MACROD2: variants seen among roughly 807,000 people sequenced by gnomAD.
MACROD2 encodes the protein mono-ADP ribosylhydrolase 2.
A neutral mutation model predicts 70.4 loss-of-function variants in MACROD2; 36 were observed. The observed-to-expected ratio is 0.51, with a 90% CI of 0.39 to 0.68. MACROD2 has a LOEUF of 0.68. Ranked by LOEUF, MACROD2 falls within the 30% of genes least tolerant of loss-of-function variation. MACROD2 has a pLI of 0.00. For missense variants in MACROD2, 496 were observed against 538.4 expected (o/e 0.92, Z 0.78); for synonymous variants, 172 against 178.8 (o/e 0.96, Z 0.30).
chr20:14,951,678 C>T (rs1352634463), intron 5 of MACROD2, among the ~76,000 whole-genome samples: 7 of 152,066 alleles, frequency 4.6e-5, no homozygotes, highest in South Asian at 2.1e-4. Context: ...CCCACTTCTC[C>T]GTTGCAGCTG....
chr20:15,664,849 G>A lies in MACROD2; in HGVS notation c.645+165002G>A, dbSNP rs78766039. On this transcript the variant is annotated intron_variant, in intron 8 of 17. Transcript: ENST00000684519. The stretch of plus-strand genomic sequence containing the variant: ...CAAACCCAAAGTCAGGGTGTGGGGA[G>A]GTATACTCCACCTTCAGTGGGAGGA... Among the ~76,000 whole-genome samples, 1,026 of 152,170 alleles carry A rather than the reference G, an allele frequency of 6.7e-3. 10 individuals are homozygous for A. Among genetic ancestry groups the A allele is most frequent in the African/African-American group, 0.023 (973 of 41,508 alleles).
At chr20:14,309,671 T>C (rs1035135481) in intron 3 of MACROD2, among the ~76,000 whole-genome samples, 6 of 152,288 alleles carry the variant, frequency 3.9e-5, no homozygotes, top group African/African-American at 7.2e-5. Context: ...ACCAGGAGAA[T>C]AGAGAGAATT....
intron 4 of MACROD2, among the ~76,000 whole-genome samples, chr20:14,639,395 G>T (rs200402799): frequency 1.3e-5 from 2 of 152,010 alleles, no homozygotes; most frequent in African/African-American, 4.8e-5. Flanking sequence ...GTTTTGAAAT[G>T]TTATTATTAT....
At chr20:15,930,532 A>G (rs956938290) in intron 10 of MACROD2, among the ~76,000 whole-genome samples, 6 of 152,248 alleles carry the variant, frequency 3.9e-5, no homozygotes, top group Non-Finnish European at 8.8e-5. Flanking sequence ...TGAAAGCAAT[A>G]TACCTGGACC....
chr20:15,398,177 T>G (rs534582442), intron 6 of MACROD2, among the ~76,000 whole-genome samples: 1 of 152,322 alleles, frequency 6.6e-6, no homozygotes, highest in African/African-American at 2.4e-5. Flanking sequence ...CCTGCCATCA[T>G]TTTTATTTAC....
intron 3 of MACROD2, among the ~76,000 whole-genome samples, chr20:14,487,752 A>C (rs441647): frequency 0.82 from 124,742 of 152,074 alleles, 51,566 homozygotes; most frequent in East Asian, 1. Context: ...GATTCATCGT[A>C]TGGATTTCCA....
chr20:14,704,352 A>G (rs2071242639), intron 5 of MACROD2, among the ~76,000 whole-genome samples: 1 of 151,988 alleles, frequency 6.6e-6, no homozygotes. Flanking sequence ...TACCGTGTAA[A>G]TAGCCCAGCT....
At chr20:14,274,321 G>T (rs1283775298) in intron 3 of MACROD2, among the ~76,000 whole-genome samples, 2 of 152,098 alleles carry the variant, frequency 1.3e-5, no homozygotes, top group African/African-American at 4.8e-5. Flanking sequence ...TTCATCCCTG[G>T]GATGCAAGGC....
intron 6 of MACROD2, among the ~76,000 whole-genome samples, chr20:15,240,783 G>T (rs1336617324): frequency 6.6e-6 from 1 of 152,094 alleles, no homozygotes; most frequent in Non-Finnish European, 1.5e-5. Flanking sequence ...CCTGAAGATG[G>T]AATTACTGCT....
chr20:14,050,402 C>T (rs1825018002), intron 2 of MACROD2, among the ~76,000 whole-genome samples: 1 of 152,176 alleles, frequency 6.6e-6, no homozygotes, highest in South Asian at 2.1e-4. Flanking sequence ...CTATAATCTG[C>T]TTTGCAAGCA....
intron 12 of MACROD2, among the ~76,000 whole-genome samples, chr20:15,943,872 T>C (rs2065784747): frequency 1.3e-5 from 2 of 152,226 alleles, no homozygotes; most frequent in African/African-American, 4.8e-5. Flanking sequence ...ATGTGAAAAA[T>C]ATACAATAAA....
chr20:15,203,048 A>G (rs1281601921), intron 5 of MACROD2, among the ~76,000 whole-genome samples: 3 of 152,144 alleles, frequency 2.0e-5, no homozygotes, highest in Admixed American at 6.6e-5. Flanking sequence ...CCCTGCCACA[A>G]TTCTTTGTTC....
At chr20:14,273,235 T>C (rs1232558296) in intron 3 of MACROD2, among the ~76,000 whole-genome samples, 2 of 152,126 alleles carry the variant, frequency 1.3e-5, no homozygotes, top group Admixed American at 6.5e-5. Flanking sequence ...ATTGACCACA[T>C]AGTTGGATGT....
rs377474328 is a variant in MACROD2 at position 14,640,512 on chromosome 20, C to T, written c.302-44331C>T. 1.6e-4 allele frequency among the ~76,000 whole-genome samples: 25 copies of T among 152,214 alleles called. 1 individual carries two copies. The highest frequency in any genetic ancestry group is 5.8e-4 in the African/African-American group (24 of 41,530). ...GAGCTTTATAGTCTACTGGGAGAGA[C>T]AGGTGGCAAGGTCAAAGAGTGCTGA... On this transcript the variant is annotated intron_variant, in intron 4 of 17. Coordinates refer to ENST00000684519, the MANE Select transcript of MACROD2 (RefSeq NM_001351661.2).
intron 8 of MACROD2, among the ~76,000 whole-genome samples, chr20:15,665,073 C>T (rs1264063889): frequency 6.6e-6 from 1 of 152,112 alleles, no homozygotes; most frequent in Non-Finnish European, 1.5e-5. Context: ...AAGGTTCACA[C>T]AGAGACTTTC....
chr20:15,190,580 A>G (rs764589917), intron 5 of MACROD2, among the ~76,000 whole-genome samples: 13 of 152,342 alleles, frequency 8.5e-5, no homozygotes, highest in Non-Finnish European at 1.8e-4. Flanking sequence ...TTCATTATTC[A>G]GGTATTATGA....
At chr20:14,601,678 A>C (rs1982508414) in intron 4 of MACROD2, among the ~76,000 whole-genome samples, 1 of 152,144 alleles carries the variant, frequency 6.6e-6, no homozygotes, top group Admixed American at 6.5e-5. Context: ...AGGGGCCCAC[A>C]GTGGCAAAAA....
intron 6 of MACROD2, among the ~76,000 whole-genome samples, chr20:15,258,102 A>AT (rs139637590): frequency 0.1 from 15,310 of 152,100 alleles, 1,821 homozygotes; most frequent in African/African-American, 0.29. Context: ...TAGAAAAAGT[A>AT]TTTTTTGTAC....
At chr20:15,056,814 A>AAG (rs1189098338) in intron 5 of MACROD2, among the ~76,000 whole-genome samples, 33 of 152,374 alleles carry the variant, frequency 2.2e-4, no homozygotes, top group African/African-American at 7.5e-4. Flanking sequence ...TATGATTGAC[A>AAG]TGTATGATCA....
Sources: gnomAD v4.1 joint callset for allele counts (sites outside exome capture counted in the v4.1 genomes callset) on GRCh38, gnomAD v4.1.1 for gene constraint, MANE v1.5 for transcripts, NCBI Gene and HGNC (gene_info 2026-07-23, HGNC 2026-07-21) for gene names.